Variants in RASGRF2 observed in about 807,000 individuals in gnomAD.
RASGRF2 encodes the protein ras-specific guanine nucleotide-releasing factor 2.
A neutral mutation model predicts 151.0 loss-of-function variants in RASGRF2; 76 were observed. The observed-to-expected ratio is 0.50, with a 90% confidence interval of 0.42 to 0.61. The LOEUF is 0.61. Ranked by LOEUF, RASGRF2 falls within the 20% of genes least tolerant of loss-of-function variation. RASGRF2 has a pLI of 0.00. For missense variants in RASGRF2, 1,148 were observed against 1,564.6 expected (o/e 0.73, Z 4.49); for synonymous variants, 504 against 566.5 (o/e 0.89, Z 1.57).
intron 1 of RASGRF2, among the ~76,000 whole-genome samples, chr5:81,033,672 T>A (rs2112369492): frequency 6.6e-6 from 1 of 152,092 alleles, no homozygotes; most frequent in South Asian, 2.1e-4. Flanking sequence ...GACTTAAATG[T>A]TAGACCTAAA....
At chr5:81,131,185 A>T (rs952423687) in intron 17 of RASGRF2, among the ~76,000 whole-genome samples, 4 of 151,856 alleles carry the variant, frequency 2.6e-5, no homozygotes. Flanking sequence ...GAGGACAGCA[A>T]TTTTTTTTGC....
intron 12 of RASGRF2, among the ~76,000 whole-genome samples, chr5:81,108,210 C>T (rs1752896812): frequency 6.6e-6 from 1 of 152,122 alleles, no homozygotes; most frequent in African/African-American, 2.4e-5. Flanking sequence ...TTTCATTTTC[C>T]TGTTTTGTTC....
At chr5:81,010,153 C>CAAA (rs10942939) in intron 1 of RASGRF2, among the ~76,000 whole-genome samples, 5 of 130,604 alleles carry the variant, frequency 3.8e-5, no homozygotes, top group African/African-American at 1.1e-4. Context: ...GATTTCATCT[C>CAAA]AAAAAAAAAA....
At chr5:81,175,951 G>T (rs760293488) in intron 17 of RASGRF2, among the ~76,000 whole-genome samples, 5 of 152,186 alleles carry the variant, frequency 3.3e-5, no homozygotes, top group East Asian at 1.9e-4. Context: ...CAAACCAGAT[G>T]TCATCTCTCC....
intron 23 of RASGRF2, 21 bp from the exon 24 acceptor site, chr5:81,215,853 TAA>T: frequency 6.6e-7 from 1 of 1,506,690 alleles, no homozygotes; most frequent in South Asian, 1.4e-5. Flanking sequence ...TTCATCACAC[TAA>T]GTTTTTTCTT....
At chr5:81,117,176 GT>G (rs1465396288) in intron 15 of RASGRF2, among the ~76,000 whole-genome samples, 1 of 152,152 alleles carries the variant, frequency 6.6e-6, no homozygotes, top group Non-Finnish European at 1.5e-5. Flanking sequence ...GAAATCAATA[GT>G]TTTTTTCCCT....
intron 18 of RASGRF2, among the ~76,000 whole-genome samples, chr5:81,182,431 A>ACAT (rs1318353795): frequency 6.6e-6 from 1 of 152,208 alleles, no homozygotes; most frequent in East Asian, 1.9e-4. Context: ...TCTCTGTATG[A>ACAT]GTACACGACC....
Position 81,177,968 on chromosome 5 carries a change from C to G in RASGRF2, c.2687-2207C>G, listed in dbSNP as rs575739204. Among the ~76,000 whole-genome samples, 15 of 152,254 alleles carry G rather than the reference C, an allele frequency of 9.9e-5. 1 individual carries two copies. The highest frequency in any genetic ancestry group is 2.9e-4 in the African/African-American group (12 of 41,564). On this transcript the variant is annotated intron_variant, in intron 17 of 26. Transcript: ENST00000265080. ...GAGCTAGGGCTAAACCACCAAAGAC[C>G]TTGTAGTTTGTGTTCAGGAGTTTTG... is the stretch of plus-strand genomic sequence containing the variant.
intron 1 of RASGRF2, among the ~76,000 whole-genome samples, chr5:81,012,125 T>C (rs922927020): frequency 1.2e-4 from 19 of 152,222 alleles, no homozygotes; most frequent in Admixed American, 2.6e-4. Context: ...GCAAGAGTAG[T>C]ACAAAGAACT....
rs1752477038 is a variant in RASGRF2 at position 81,094,354 on chromosome 5, A to C, written c.1610A>C (p.Asp537Ala). 6.2e-7 allele frequency: 1 copy of C among 1,612,640 alleles called. No individual in the cohort carries two copies. The highest frequency in any genetic ancestry group is 8.5e-7 in the Non-Finnish European group (1 of 1,179,442). The change falls in exon 11 of 27, where the codon GAT becomes GCT. Residue 537 changes from aspartate to alanine, a missense_variant. Asp to Ala is a moderately radical substitution (Grantham distance 126). Around this residue, in one of 5 missense-constraint regions of RASGRF2, gnomAD observed 646 missense variants for 807.4 expected, o/e 0.80. Coordinates refer to ENST00000265080, the MANE Select transcript of RASGRF2 (RefSeq NM_006909.3). ...CTLIEEPDAS[D>A]DDSKGSGQVF... ...TTGATTGAGGAGCCAGATGCAAGCG[A>C]TGATGACTGTAAGTCACCTTCGATC...
intron 17 of RASGRF2, among the ~76,000 whole-genome samples, chr5:81,170,539 C>T (rs1754636216): frequency 6.6e-6 from 1 of 152,192 alleles, no homozygotes. Context: ...TCAAGCAGAG[C>T]TGTCCCAGCC....
chr5:81,193,601 T>C (rs1755196953), intron 18 of RASGRF2, among the ~76,000 whole-genome samples: 1 of 152,194 alleles, frequency 6.6e-6, no homozygotes, highest in Non-Finnish European at 1.5e-5. Context: ...CTGCAACCTC[T>C]GCCTCCTGAG....
intron 23 of RASGRF2, among the ~76,000 whole-genome samples, chr5:81,214,168 C>T (rs554173634): frequency 2.0e-4 from 30 of 152,236 alleles, no homozygotes; most frequent in African/African-American, 5.5e-4. Flanking sequence ...TAGGAATAAC[C>T]GAACTGATCA....
At chr5:81,040,048 C>T (rs1259052245) in intron 1 of RASGRF2, among the ~76,000 whole-genome samples, 1 of 152,160 alleles carries the variant, frequency 6.6e-6, no homozygotes, top group Non-Finnish European at 1.5e-5. Context: ...CCAGGCTAGA[C>T]TGCAGTGGCC....
chr5:81,094,806 CTT>C (rs1193544054), intron 11 of RASGRF2, 48 bp from the exon 12 acceptor site: 1 of 1,527,300 alleles, frequency 6.5e-7, no homozygotes, highest in Non-Finnish European at 9.0e-7. Context: ...AGCTATCACT[CTT>C]TGTTTTTTTG....
At chr5:81,219,894 G>T in intron 26 of RASGRF2, 116 bp downstream of exon 26, 10 of 496,294 alleles carry the variant, frequency 2.0e-5, no homozygotes, top group Non-Finnish European at 2.9e-5. Context: ...GAAAAGACCA[G>T]TAAAATAGAA....
intron 1 of RASGRF2, chr5:80,997,911 G>T (rs1183587693): frequency 6.6e-6 from 1 of 150,506 alleles, no homozygotes; most frequent in Non-Finnish European, 1.5e-5. Context: ...GGAGCTTGCA[G>T]TGAGCCGAGA....
intron 5 of RASGRF2, among the ~76,000 whole-genome samples, chr5:81,078,614 A>G (rs1752003128): frequency 6.6e-6 from 1 of 152,216 alleles, no homozygotes; most frequent in South Asian, 2.1e-4. Flanking sequence ...TTCCCTTTAC[A>G]TGCCTTTGAA....
At chr5:81,133,886 G>A (rs1427667102) in intron 17 of RASGRF2, among the ~76,000 whole-genome samples, 1 of 152,116 alleles carries the variant, frequency 6.6e-6, no homozygotes, top group Non-Finnish European at 1.5e-5. Context: ...ACCAGTCATG[G>A]CATGTGTGGT....
Sources: gnomAD v4.1 joint callset for allele counts (sites outside exome capture counted in the v4.1 genomes callset) on GRCh38, gnomAD v4.1.1 for gene constraint, gnomAD v4.1.1 regional missense constraint, MANE v1.5 for transcripts, NCBI Gene and HGNC (gene_info 2026-07-23, HGNC 2026-07-21) for gene names.